The following REXO1 variants were observed in gnomAD, a reference collection of about 807,000 sequenced individuals.
REXO1 encodes the protein RNA exonuclease 1 homolog.
REXO1 carries 42 observed loss-of-function variants against 102.6 expected under a neutral mutation model. That is an observed-to-expected ratio of 0.41 (90% confidence interval 0.32 to 0.53). The LOEUF (loss-of-function observed/expected upper bound fraction) is 0.53. Among genes scored for constraint, REXO1 ranks in the 20% least tolerant of loss-of-function variants. The pLI is 0.27. For synonymous variants in REXO1, 908 were observed against 779.1 expected, an observed-to-expected ratio of 1.17 and a Z score of -2.76; for missense variants, 1,819 against 1,732.5, an observed-to-expected ratio of 1.05 and a Z score of -0.89.
chr19:1,846,924 C>T (rs1167433603), intron 1 of REXO1, among the ~76,000 whole-genome samples: 1 of 152,192 alleles, frequency 6.6e-6, no homozygotes, highest in Admixed American at 6.5e-5. Context: ...CATCGTGAGT[C>T]TGGTGTCACA....
rs2069731104 is a variant in REXO1 at position 1,826,601 on chromosome 19, C to G, written c.1911+277G>C. 6.6e-6 allele frequency among the ~76,000 whole-genome samples: 1 copy of G among 151,946 alleles called. No homozygotes were observed. On this transcript the variant is annotated intron_variant, in intron 2 of 15. Transcript: ENST00000170168. This position sits in a 1 kb window ranked among gnomAD's most constrained non-coding sequence, Gnocchi z 4.3. ...GGTGGGTGGGCCAATATCCCCCTGCCAGTCAGTGGGAACAGACCGTGTGCA... is the reference window on the plus strand; with the variant it reads ...GGTGGGTGGGCCAATATCCCCCTGCGAGTCAGTGGGAACAGACCGTGTGCA...
At chr19:1,841,280 C>T (rs1385273901) in intron 1 of REXO1, among the ~76,000 whole-genome samples, 3 of 152,244 alleles carry the variant, frequency 2.0e-5, no homozygotes, top group Non-Finnish European at 2.9e-5. Flanking sequence ...ACCCACTGCG[C>T]GGACAGCGTA....
Position 1,827,076 on chromosome 19 carries a change from C to T in REXO1, c.1713G>A (p.Lys571=). Residue 571 remains lysine, a synonymous_variant, in exon 2 of 16, where the codon AAG becomes AAA. Transcript: ENST00000170168. ...GGGCGGGGGAGGGGGGCGGGGAGGC[C>T]TTGAGCCGCTTGGGCGGCCCCTGCG... ...PEAQGPPKRL[K]ASPPPSPAPS... 3 of 1,541,026 alleles carry T rather than the reference C, an allele frequency of 1.9e-6. No homozygotes were observed. Among genetic ancestry groups the T allele is most frequent in the South Asian group, 2.4e-5 (2 of 83,848 alleles).
At position 1,848,212 on chromosome 19, in the gene REXO1, G is replaced by T; in HGVS notation, c.147C>A (p.Pro49=). The change falls in exon 1 of 16, where the codon CCC becomes CCA. Residue 49 remains proline (P), a synonymous_variant. Transcript: ENST00000170168. The part of the protein sequence containing the change: ...SGAPGDGGEA[P]PAAGLGYDPY... ...GCGGGCGGGCATTACCTGCTGCGGG[G>T]GGCGCCTCTCCGCCGTCACCGGGCG... 8.2e-7 allele frequency: 1 copy of T among 1,221,930 alleles called. No homozygotes were observed. Among genetic ancestry groups the T allele is most frequent in the Non-Finnish European group, 1.0e-6 (1 of 978,248 alleles). 75.7% of individuals were successfully genotyped at this position (1,221,930 alleles called of 1,614,324 possible).
At position 1,815,538 on chromosome 19, in the gene REXO1, C is replaced by A; in HGVS notation, c.*528G>T. ...ACACTGCGCTGAGTGTGGCCCTGGC[C>A]CCCACTGGGGTCTGTCCCACCCCCA... On this transcript the variant is annotated 3_prime_UTR_variant, in exon 16 of 16. Coordinates refer to ENST00000170168, the MANE Select transcript of REXO1 (RefSeq NM_020695.4). This position sits in a 1 kb window ranked among gnomAD's most constrained non-coding sequence, Gnocchi z 4.0. 1 of 423,118 alleles carries A rather than the reference C, an allele frequency of 2.4e-6. No homozygotes were observed. Among genetic ancestry groups the A allele is most frequent in the South Asian group, 3.4e-5 (1 of 29,100 alleles). 26.2% of individuals were successfully genotyped at this position (423,118 alleles called of 1,614,324 possible).
At chr19:1,836,182 T>C (rs2070031981) in intron 1 of REXO1, among the ~76,000 whole-genome samples, 1 of 152,152 alleles carries the variant, frequency 6.6e-6, no homozygotes, top group Admixed American at 6.5e-5. Context: ...ACAGCTGTCC[T>C]GTCCCCAGCA....
At position 1,834,867 on chromosome 19, in the gene REXO1, G is replaced by A. The variant is rs928296905; in HGVS notation, c.158-6236C>T. On this transcript the variant is annotated intron_variant, in intron 1 of 15. Transcript: ENST00000170168. The stretch of plus-strand genomic sequence containing the variant: ...CAAAAAGAAAGCAGGCATGCTAGGC[G>A]GGTCCGAGAAGACTGAGATCAGGAT... 8 of 280,106 alleles carry A rather than the reference G, an allele frequency of 2.9e-5. No individual in the cohort carries two copies. The East Asian group carries it at 7.1e-4, about 25-fold the overall frequency. 17.4% of individuals were successfully genotyped at this position (280,106 alleles called of 1,614,324 possible).
chr19:1,820,661 A>G (rs1353616353), intron 5 of REXO1, among the ~76,000 whole-genome samples: 1 of 152,150 alleles, frequency 6.6e-6, no homozygotes, highest in Non-Finnish European at 1.5e-5. Flanking sequence ...TTTCCTAGAA[A>G]CCTAAAGTTG....
intron 1 of REXO1, among the ~76,000 whole-genome samples, chr19:1,837,357 G>A (rs534532949): frequency 2.0e-5 from 3 of 152,288 alleles, no homozygotes; most frequent in East Asian, 1.9e-4. Context: ...GCGGGCGCCC[G>A]GGGCCCTCCA....
intron 3 of REXO1, 58 bp downstream of exon 3, chr19:1,825,781 C>G (rs1190668998): frequency 2.5e-5 from 30 of 1,207,614 alleles, no homozygotes; most frequent in Non-Finnish European, 3.3e-5. Context: ...AGGCCAACCT[C>G]GTCTTTAAAA....
At chr19:1,842,003 G>T (rs1356687415) in intron 1 of REXO1, among the ~76,000 whole-genome samples, 1 of 152,130 alleles carries the variant, frequency 6.6e-6, no homozygotes, top group Non-Finnish European at 1.5e-5. Context: ...TTGAGGCCAG[G>T]AGTTCGAGAC....
chr19:1,836,534 T>C (rs2070041184), intron 1 of REXO1, among the ~76,000 whole-genome samples: 1 of 151,128 alleles, frequency 6.6e-6, no homozygotes, highest in African/African-American at 2.4e-5. Context: ...TCACCTGAGG[T>C]CAGGAGTTCG....
chr19:1,819,316 A>G (rs918061805), intron 7 of REXO1, among the ~76,000 whole-genome samples, 185 bp from the exon 8 acceptor site: 1 of 150,870 alleles, frequency 6.6e-6, no homozygotes, highest in Non-Finnish European at 1.5e-5. Context: ...GCGGTGAGCC[A>G]GGGACGCAGG....
rs546828992 is a variant in REXO1, at chr19:1,826,256, G to A, written c.1912-313C>T. Among the ~76,000 whole-genome samples the A allele has an allele frequency of 6.6e-6, 1 of 152,130 alleles. No homozygotes were observed. The highest frequency in any genetic ancestry group is 2.1e-4 in the South Asian group (1 of 4,828). On this transcript the variant is annotated intron_variant, in intron 2 of 15. Coordinates refer to ENST00000170168, the MANE Select transcript of REXO1 (RefSeq NM_020695.4). This position sits in a 1 kb window ranked among gnomAD's most constrained non-coding sequence, Gnocchi z 4.3. ...CACCTTGGGCCGAACCAGCTGCTGC[G>A]GGCTGAGCACTTGGGCTCAGTCTGT...
At chr19:1,847,474 ACCCT>A (rs1216178893) in intron 1 of REXO1, among the ~76,000 whole-genome samples, 1 of 151,072 alleles carries the variant, frequency 6.6e-6, no homozygotes, top group African/African-American at 2.4e-5. Flanking sequence ...ACACTCGATA[ACCCT>A]CCCTCCACGA....
In REXO1 at chr19:1,816,796, G is replaced by A. The variant is rs578117802; in HGVS notation, c.3219C>T (p.Gly1073=). Residue 1073 remains glycine, a synonymous_variant, in exon 13 of 16, where the codon GGC becomes GGT. Transcript: ENST00000170168. ...CCACCGTGACGCGCGTCAGCTCCAG[G>A]CCATATGTGGTGTAGGACTGCGGGC... The part of the protein sequence containing the change: ...LDCEMSYTTY[G]LELTRVTVVD... 3.1e-6 allele frequency: 5 copies of A among 1,612,380 alleles called. No individual in the cohort carries two copies. The highest frequency in any genetic ancestry group is 1.6e-4 in the Middle Eastern group (1 of 6,062).
Position 1,818,547 on chromosome 19 carries a change from G to A in REXO1, c.2951C>T (p.Ser984Phe), listed in dbSNP as rs2069438372. 5.6e-6 allele frequency: 9 copies of A among 1,612,140 alleles called. No homozygotes were observed. Among genetic ancestry groups the A allele is most frequent in the African/African-American group, 2.7e-5 (2 of 75,038 alleles). The change falls in exon 10 of 16, where the codon TCT (serine) becomes TTT (phenylalanine). Residue 984 changes from serine to phenylalanine, a missense_variant. Transcript: ENST00000170168. The stretch of plus-strand genomic sequence containing the variant: ...CTCGTCCCGGATGCAGCGGCCTGAA[G>A]AGGACACGAGGTACTCGGTGCCACA... ...CRCGTEYLVS[S>F]SGRCIRDEEC...
At chr19:1,817,883 A>C in intron 10 of REXO1, 103 bp from the exon 11 acceptor site, 1 of 903,138 alleles carries the variant, frequency 1.1e-6, no homozygotes, top group South Asian at 1.5e-5. Context: ...GGGAGTGAGG[A>C]CTGAGGACAG....
At chr19:1,832,007 A>G (rs1159465785) in intron 1 of REXO1, among the ~76,000 whole-genome samples, 1 of 151,882 alleles carries the variant, frequency 6.6e-6, no homozygotes, top group Non-Finnish European at 1.5e-5. Context: ...CACCTCACTC[A>G]GCCAATAGAC....
Sources: gnomAD v4.1 joint callset for allele counts (sites outside exome capture counted in the v4.1 genomes callset) on GRCh38, gnomAD v4.1.1 for gene constraint, Gnocchi (gnomAD v3.1) non-coding constraint, MANE v1.5 for transcripts, NCBI Gene and HGNC (gene_info 2026-07-23, HGNC 2026-07-21) for gene names.